The following BTBD9 variants were observed in gnomAD, a reference collection of about 807,000 sequenced individuals.
The protein encoded by BTBD9 is BTB/POZ domain-containing protein 9.
A neutral mutation model predicts 64.3 loss-of-function variants in BTBD9; 49 were observed. That is an observed-to-expected ratio of 0.76 (90% CI 0.61 to 0.97). BTBD9 has a LOEUF of 0.97. Ranked by LOEUF, BTBD9 falls within the 50% of genes least tolerant of loss-of-function variation. BTBD9 has a pLI of 0.00. For synonymous variants in BTBD9, 260 were observed against 274.7 expected (o/e 0.95, Z 0.53); for missense variants, 598 against 762.1 (o/e 0.78, Z 2.53).
intron 6 of BTBD9, among the ~76,000 whole-genome samples, chr6:38,357,033 C>T (rs1230028691): frequency 1.3e-5 from 2 of 152,160 alleles, no homozygotes; most frequent in Non-Finnish European, 2.9e-5. Flanking sequence ...TGACCTTTCT[C>T]AATTGTGCAC....
intron 7 of BTBD9, among the ~76,000 whole-genome samples, chr6:38,340,842 C>T (rs551478116): frequency 6.6e-6 from 1 of 152,290 alleles, no homozygotes; most frequent in South Asian, 2.1e-4. Flanking sequence ...AGAGAGACAA[C>T]TAGAGGTTTT....
At chr6:38,580,045 T>G (rs574433851) in intron 5 of BTBD9, among the ~76,000 whole-genome samples, 173 bp downstream of exon 5, 150 of 152,386 alleles carry the variant, frequency 9.8e-4, no homozygotes, top group African/African-American at 3.5e-3. Flanking sequence ...CAAAAAAGTG[T>G]ATTTCTTTTA....
intron 6 of BTBD9, among the ~76,000 whole-genome samples, chr6:38,500,941 CT>C (rs147864503): frequency 3.6e-4 from 55 of 152,326 alleles, no homozygotes; most frequent in Middle Eastern, 3.4e-3. Context: ...GTACAAAGCA[CT>C]GGCTGAAGAC....
chr6:38,552,039 C>T (rs1001019530), intron 6 of BTBD9, among the ~76,000 whole-genome samples: 2 of 152,144 alleles, frequency 1.3e-5, no homozygotes, highest in Admixed American at 1.3e-4. Flanking sequence ...TTTACATTTA[C>T]AGAAAATAAG....
At chr6:38,198,605 C>G (rs941357387) in intron 9 of BTBD9, among the ~76,000 whole-genome samples, 102 of 152,296 alleles carry the variant, frequency 6.7e-4, no homozygotes, top group African/African-American at 2.3e-3. Flanking sequence ...GACTCTACTG[C>G]ACATACTATA....
chr6:38,232,160 G>C (rs1324704268), intron 9 of BTBD9, among the ~76,000 whole-genome samples: 1 of 152,192 alleles, frequency 6.6e-6, no homozygotes, highest in Non-Finnish European at 1.5e-5. Flanking sequence ...CACAAAACAG[G>C]ACAAAGTGAG....
At chr6:38,418,415 C>T (rs930607358) in intron 6 of BTBD9, among the ~76,000 whole-genome samples, 1 of 152,170 alleles carries the variant, frequency 6.6e-6, no homozygotes, top group Admixed American at 6.6e-5. Context: ...CTCTGCTCCT[C>T]CCCCACCAAA....
intron 6 of BTBD9, among the ~76,000 whole-genome samples, chr6:38,491,104 G>A (rs1771682065): frequency 6.6e-6 from 1 of 152,090 alleles, no homozygotes; most frequent in Admixed American, 6.5e-5. Context: ...TTTGAGGGCT[G>A]GTATAGATCA....
intron 6 of BTBD9, among the ~76,000 whole-genome samples, chr6:38,445,357 A>G (rs149075625): frequency 5.4e-4 from 83 of 152,314 alleles, no homozygotes; most frequent in African/African-American, 1.8e-3. Flanking sequence ...TCTGTTGACT[A>G]TCCTCATATT....
At chr6:38,330,417 T>C (rs1283320984) in intron 7 of BTBD9, among the ~76,000 whole-genome samples, 1 of 152,114 alleles carries the variant, frequency 6.6e-6, no homozygotes, top group Non-Finnish European at 1.5e-5. Flanking sequence ...CCAGGCACAG[T>C]AGTGTGCACC....
intron 6 of BTBD9, among the ~76,000 whole-genome samples, chr6:38,419,157 C>T (rs185359930): frequency 4.6e-5 from 7 of 152,134 alleles, no homozygotes; most frequent in Admixed American, 2.0e-4. Context: ...TTTAGGATAC[C>T]GCTATTAATA....
At chr6:38,549,907 C>T (rs368300592) in intron 6 of BTBD9, among the ~76,000 whole-genome samples, 3 of 152,106 alleles carry the variant, frequency 2.0e-5, no homozygotes, top group East Asian at 1.9e-4. Context: ...TCTTGGCACC[C>T]GACACAGTTG....
intron 7 of BTBD9, among the ~76,000 whole-genome samples, chr6:38,321,694 A>G (rs1438424606): frequency 6.6e-6 from 1 of 152,126 alleles, no homozygotes; most frequent in African/African-American, 2.4e-5. Flanking sequence ...GATGATTATT[A>G]CTTTTCATAC....
intron 6 of BTBD9, among the ~76,000 whole-genome samples, chr6:38,541,792 T>G (rs971836057): frequency 2.0e-5 from 3 of 152,182 alleles, no homozygotes; most frequent in Non-Finnish European, 4.4e-5. Context: ...CATTGAAATC[T>G]CTACTAAGAA....
intron 6 of BTBD9, among the ~76,000 whole-genome samples, chr6:38,388,322 A>G (rs1271003859): frequency 6.6e-6 from 1 of 151,776 alleles, no homozygotes; most frequent in African/African-American, 2.4e-5. Context: ...CCCCTCTCCT[A>G]TTTGACTTGT....
intron 5 of BTBD9, among the ~76,000 whole-genome samples, chr6:38,578,508 A>T (rs1322952747): frequency 6.6e-6 from 1 of 152,184 alleles, no homozygotes; most frequent in Non-Finnish European, 1.5e-5. Flanking sequence ...ACAATCTTGG[A>T]AGATTTAGGT....
At chr6:38,229,049 T>C (rs1422964108) in intron 9 of BTBD9, among the ~76,000 whole-genome samples, 2 of 151,448 alleles carry the variant, frequency 1.3e-5, no homozygotes, top group Non-Finnish European at 2.9e-5. Flanking sequence ...ATACAAAAAA[T>C]TATCTGGGCA....
At chr6:38,611,078 T>C (rs1390695906) in intron 1 of BTBD9, among the ~76,000 whole-genome samples, 1 of 152,102 alleles carries the variant, frequency 6.6e-6, no homozygotes, top group Non-Finnish European at 1.5e-5. Context: ...TACAATAGGA[T>C]CCATTTATTT....
At chr6:38,494,134 C>CCCTCCAG (rs1406430314) in intron 6 of BTBD9, among the ~76,000 whole-genome samples, 2 of 152,286 alleles carry the variant, frequency 1.3e-5, no homozygotes, top group Non-Finnish European at 1.5e-5. Flanking sequence ...TAGCACAGCG[C>CCCTCCAG]CCTCCAGTGG....
Sources: allele counts gnomAD v4.1 joint callset (sites outside exome capture counted in the v4.1 genomes callset), GRCh38; gene constraint gnomAD v4.1.1; transcripts MANE v1.5; gene names NCBI Gene and HGNC (gene_info 2026-07-23, HGNC 2026-07-21).